ROBO2: variants seen among roughly 807,000 people sequenced by gnomAD.
ROBO2 encodes the protein roundabout guidance receptor 2.
A neutral mutation model predicts 160.8 loss-of-function variants in ROBO2; 53 were observed. The observed-to-expected ratio is 0.33, with a 90% CI of 0.26 to 0.41. ROBO2 has a LOEUF of 0.41. Ranked by LOEUF, ROBO2 falls within the 10% of genes least tolerant of loss-of-function variation. The probability of loss-of-function intolerance (pLI) is 1.00; values close to 1 mark genes in which losing one functional copy is unlikely to be tolerated. For synonymous variants in ROBO2, 664 were observed against 611.7 expected (o/e 1.09, Z -1.26); for missense variants, 1,577 against 1,722.4 (o/e 0.92, Z 1.49).
At chr3:77,627,171 A>C (rs1258188311) in intron 23 of ROBO2, among the ~76,000 whole-genome samples, 7 of 152,192 alleles carry the variant, frequency 4.6e-5, no homozygotes, top group African/African-American at 1.7e-4. Context: ...GGGATATTAC[A>C]CGTGTAATTT....
chr3:77,200,321 A>ATATATTTT (rs1491568129), intron 2 of ROBO2, among the ~76,000 whole-genome samples: 1 of 54,914 alleles, frequency 1.8e-5, no homozygotes, highest in South Asian at 6.1e-4. Flanking sequence ...ATATATATAT[A>ATATATTTT]TTTTAGTTTC....
At chr3:76,880,939 G>A (rs2073276970) in intron 2 of ROBO2, among the ~76,000 whole-genome samples, 1 of 152,154 alleles carries the variant, frequency 6.6e-6, no homozygotes, top group South Asian at 2.1e-4. Flanking sequence ...TCTCTCCTGG[G>A]AGAGTTTTCC....
intron 2 of ROBO2, among the ~76,000 whole-genome samples, chr3:75,957,331 C>T (rs11918880): frequency 0.065 from 9,735 of 150,916 alleles, 807 homozygotes; most frequent in African/African-American, 0.19. Context: ...TGCTAATAAC[C>T]ATATCAATTT....
intron 2 of ROBO2, among the ~76,000 whole-genome samples, chr3:76,384,834 C>T (rs1403489303): frequency 1.3e-5 from 2 of 152,160 alleles, no homozygotes; most frequent in African/African-American, 4.8e-5. Flanking sequence ...TGATTCCTCC[C>T]ACGACACGTG....
intron 2 of ROBO2, among the ~76,000 whole-genome samples, chr3:77,186,898 T>C (rs1436326072): frequency 6.6e-6 from 1 of 152,026 alleles, no homozygotes; most frequent in East Asian, 1.9e-4. Flanking sequence ...AATTGTTACA[T>C]GTTACGTAAT....
At chr3:76,976,437 A>G (rs1329181178) in intron 2 of ROBO2, among the ~76,000 whole-genome samples, 1 of 152,202 alleles carries the variant, frequency 6.6e-6, no homozygotes. Flanking sequence ...AGTTTTTTAC[A>G]AACCGTATTT....
At chr3:77,631,321 A>G (rs1408035326) in intron 23 of ROBO2, 2 of 152,180 alleles carry the variant, frequency 1.3e-5, no homozygotes, top group Non-Finnish European at 2.9e-5. Flanking sequence ...AATTACAAAT[A>G]CAGCATCAAG....
In ROBO2 at chr3:77,027,745, G is replaced by T. The variant is rs372674242; in HGVS notation, c.110-70269G>T. Among the ~76,000 whole-genome samples, 9 of 152,226 alleles carry T rather than the reference G, an allele frequency of 5.9e-5. No individual in the cohort carries two copies. The East Asian group carries it at 1.6e-3, about 26-fold the overall frequency. ...AGGGTGCTAGCCAAGCACCTGTACT[G>T]CTCTCAGATACACACAGTGTGTTTA... On this transcript the variant is annotated intron_variant, in intron 2 of 26. Coordinates refer to the ROBO2 transcript ENST00000487694.
At chr3:76,656,094 G>T (rs774800668) in intron 2 of ROBO2, among the ~76,000 whole-genome samples, 79 of 152,044 alleles carry the variant, frequency 5.2e-4, no homozygotes, top group Non-Finnish European at 1.0e-3. Flanking sequence ...AAACAGCCAA[G>T]AGCAAACAGT....
chr3:77,162,305 G>T (rs2078566691), intron 2 of ROBO2, among the ~76,000 whole-genome samples: 1 of 151,990 alleles, frequency 6.6e-6, no homozygotes, highest in African/African-American at 2.4e-5. Context: ...TGAAATTATT[G>T]GATGGTTTAA....
chr3:76,453,963 T>C (rs17014219), intron 2 of ROBO2, among the ~76,000 whole-genome samples: 1 of 152,066 alleles, frequency 6.6e-6, no homozygotes, highest in Non-Finnish European at 1.5e-5. Context: ...AGAAAGTGCA[T>C]GAGTACCTGT....
chr3:76,301,780 G>C lies in ROBO2; in HGVS notation c.109+364178G>C, dbSNP rs576585154. On this transcript the variant is annotated intron_variant, in intron 2 of 26. Coordinates refer to the ROBO2 transcript ENST00000487694. ...CTGGTCATTGCTTCTGTTGTAGCTAGCTTTGACCATGTAACAAAAATATAG... is the reference window on the plus strand; with the variant it reads ...CTGGTCATTGCTTCTGTTGTAGCTACCTTTGACCATGTAACAAAAATATAG... Among the ~76,000 whole-genome samples the C allele has an allele frequency of 9.9e-5, 15 of 152,214 alleles. No homozygotes were observed. The South Asian group carries it at 3.1e-3, about 32-fold the overall frequency.
At chr3:76,889,741 A>G (rs914780424) in intron 2 of ROBO2, among the ~76,000 whole-genome samples, 1 of 152,222 alleles carries the variant, frequency 6.6e-6, no homozygotes, top group African/African-American at 2.4e-5. Flanking sequence ...AAGCTATTAC[A>G]TAGTGATAAT....
intron 2 of ROBO2, among the ~76,000 whole-genome samples, chr3:76,115,070 A>G (rs747158084): frequency 6.6e-6 from 1 of 152,120 alleles, no homozygotes; most frequent in Non-Finnish European, 1.5e-5. Flanking sequence ...TTTAAACAAG[A>G]TCTTTAACAG....
At position 77,108,361 on chromosome 3, in the gene ROBO2, A is replaced by G. The variant is rs1016833632; in HGVS notation, c.388+10021A>G. Among the ~76,000 whole-genome samples the G allele has an allele frequency of 4.0e-5, 6 of 151,360 alleles. 1 individual carries two copies. The South Asian group carries it at 1.0e-3, about 26-fold the overall frequency. On this transcript the variant is annotated intron_variant, in intron 2 of 25. Transcript: ENST00000461745. ...ATGTATATATGATGTGATATTAGAG[A>G]TGTGATCCCACTCACTGTGTTGCCT...
intron 2 of ROBO2, among the ~76,000 whole-genome samples, chr3:76,422,407 C>G (rs2076032877): frequency 6.6e-6 from 1 of 152,140 alleles, no homozygotes; most frequent in Non-Finnish European, 1.5e-5. Context: ...ATAAATTTAA[C>G]TATTTCTACT....
At chr3:76,844,848 T>C (rs2068631307) in intron 2 of ROBO2, among the ~76,000 whole-genome samples, 1 of 151,790 alleles carries the variant, frequency 6.6e-6, no homozygotes, top group South Asian at 2.1e-4. Flanking sequence ...TTACTACATA[T>C]GAAAAATCAA....
At chr3:76,171,588 C>T (rs2073042008) in intron 2 of ROBO2, among the ~76,000 whole-genome samples, 1 of 152,010 alleles carries the variant, frequency 6.6e-6, no homozygotes, top group South Asian at 2.1e-4. Flanking sequence ...TGGAGTATGT[C>T]CTCATTTATT....
At chr3:76,607,095 C>A (rs572109216) in intron 2 of ROBO2, among the ~76,000 whole-genome samples, 1 of 152,270 alleles carries the variant, frequency 6.6e-6, no homozygotes, top group Admixed American at 6.5e-5. Context: ...CAGCCTAGAG[C>A]GCCGTGGCTA....
Sources: allele counts gnomAD v4.1 joint callset (sites outside exome capture counted in the v4.1 genomes callset), GRCh38; gene constraint gnomAD v4.1.1; transcripts MANE v1.5; gene names NCBI Gene and HGNC (gene_info 2026-07-23, HGNC 2026-07-21).